The following BRINP3 variants were observed in gnomAD, a reference collection of about 807,000 sequenced individuals.
The protein encoded by BRINP3 is BMP/retinoic acid-inducible neural-specific protein 3.
A neutral mutation model predicts 71.0 loss-of-function variants in BRINP3; 19 were observed. The ratio of observed to expected loss-of-function variants is 0.27; its 90% confidence interval spans 0.19 to 0.39. The LOEUF is 0.39. Ranked by LOEUF, BRINP3 falls within the 10% of genes least tolerant of loss-of-function variation. The pLI is 1.00. For synonymous variants in BRINP3, 380 were observed against 337.7 expected, an observed-to-expected ratio of 1.13 and a Z score of -1.37; for missense variants, 959 against 940.8, an observed-to-expected ratio of 1.02 and a Z score of -0.25.
chr1:190,177,723 C>G (rs1226988566), intron 6 of BRINP3, among the ~76,000 whole-genome samples: 1 of 152,046 alleles, frequency 6.6e-6, no homozygotes, highest in African/African-American at 2.4e-5. Context: ...CTAATTTTAC[C>G]TAAGTTCTCT....
chr1:190,463,396 T>C (rs1054362051), intron 1 of BRINP3, among the ~76,000 whole-genome samples: 1 of 151,622 alleles, frequency 6.6e-6, no homozygotes, highest in Non-Finnish European at 1.5e-5. Context: ...ACAAGTATTA[T>C]TTTAAGTGAT....
chr1:190,214,268 T>A (rs1656221851), intron 6 of BRINP3, among the ~76,000 whole-genome samples: 1 of 152,070 alleles, frequency 6.6e-6, no homozygotes, highest in African/African-American at 2.4e-5. Flanking sequence ...GTATATAATA[T>A]GTCTGGGATA....
intron 5 of BRINP3, 114 bp downstream of exon 5, chr1:190,234,258 A>G (rs1377678608): frequency 1.9e-6 from 1 of 530,786 alleles, no homozygotes; most frequent in Non-Finnish European, 3.2e-6. Context: ...CTTTAATGAG[A>G]GTTTTTAATA....
intron 2 of BRINP3, among the ~76,000 whole-genome samples, chr1:190,449,712 G>A (rs1440893765): frequency 6.6e-6 from 1 of 152,144 alleles, no homozygotes; most frequent in East Asian, 1.9e-4. Context: ...GTTTGCAGGA[G>A]ACTGCACTGA....
At chr1:190,337,608 T>C (rs1428646829) in intron 2 of BRINP3, among the ~76,000 whole-genome samples, 1 of 152,046 alleles carries the variant, frequency 6.6e-6, no homozygotes, top group East Asian at 1.9e-4. Context: ...CTCTTAAACC[T>C]ACACCAGTCA....
chr1:190,472,127 A>G (rs1038756776), intron 1 of BRINP3, among the ~76,000 whole-genome samples: 2 of 151,612 alleles, frequency 1.3e-5, no homozygotes, highest in Non-Finnish European at 3.0e-5. Context: ...TTTTCATAAC[A>G]TATTTGTCCT....
At position 190,312,024 on chromosome 1, in the gene BRINP3, T is replaced by C. The variant is rs143160673; in HGVS notation, c.237-30274A>G. Among the ~76,000 whole-genome samples, 925 of 118,170 alleles carry C rather than the reference T, an allele frequency of 7.8e-3. 7 individuals carry two copies. Among genetic ancestry groups the C allele is most frequent in the African/African-American group, 0.025 (826 of 33,218 alleles). The allele number at this position is 118,170 out of a possible 152,430, so 77.5% of individuals were successfully genotyped here. A position where few individuals can be genotyped will look rare whatever the true frequency, so the allele number is the denominator to read the frequency against. On this transcript the variant is annotated intron_variant, in intron 2 of 7. Transcript: ENST00000367462. ...TAGAAAATATAAAAAATACATGATA[T>C]TTGAAAAGTCAAATATATATATATA...
At chr1:190,449,849 C>T (rs1229019938) in intron 2 of BRINP3, among the ~76,000 whole-genome samples, 3 of 152,092 alleles carry the variant, frequency 2.0e-5, no homozygotes, top group African/African-American at 4.8e-5. Flanking sequence ...AAGTCTATTC[C>T]TCTCCCTGTT....
intron 2 of BRINP3, among the ~76,000 whole-genome samples, chr1:190,326,511 G>A (rs1362474917): frequency 6.6e-6 from 1 of 151,902 alleles, no homozygotes; most frequent in African/African-American, 2.4e-5. Flanking sequence ...GATTGTCCAA[G>A]GTCACCAATA....
intron 6 of BRINP3, among the ~76,000 whole-genome samples, chr1:190,200,362 G>T (rs1189720837): frequency 6.6e-6 from 1 of 152,076 alleles, no homozygotes; most frequent in African/African-American, 2.4e-5. Context: ...TTTAGAATTT[G>T]AATGGGAATA....
chr1:190,431,572 G>A (rs772394191), intron 2 of BRINP3, among the ~76,000 whole-genome samples: 2 of 152,056 alleles, frequency 1.3e-5, no homozygotes, highest in Non-Finnish European at 2.9e-5. Context: ...GGCCAGGCTG[G>A]TGTCAAACTC....
At chr1:190,203,249 G>A (rs1486564568) in intron 6 of BRINP3, among the ~76,000 whole-genome samples, 1 of 151,874 alleles carries the variant, frequency 6.6e-6, no homozygotes, top group East Asian at 1.9e-4. Context: ...GTACTTTAAA[G>A]GCTTTATAAT....
intron 6 of BRINP3, among the ~76,000 whole-genome samples, chr1:190,211,354 T>C (rs755783108): frequency 6.6e-6 from 1 of 152,104 alleles, no homozygotes; most frequent in East Asian, 1.9e-4. Flanking sequence ...CCCTGGATAA[T>C]ACAGGTAGTA....
chr1:190,421,678 G>C (rs1673396981), intron 2 of BRINP3, among the ~76,000 whole-genome samples: 1 of 151,670 alleles, frequency 6.6e-6, no homozygotes, highest in Non-Finnish European at 1.5e-5. Context: ...GTGATAGATA[G>C]ATTTGAATCC....
chr1:190,282,913 C>T (rs1253035522), intron 2 of BRINP3, among the ~76,000 whole-genome samples: 1 of 151,678 alleles, frequency 6.6e-6, no homozygotes, highest in Non-Finnish European at 1.5e-5. Flanking sequence ...GTAACTCTGC[C>T]GAGACAACAA....
intron 6 of BRINP3, among the ~76,000 whole-genome samples, chr1:190,220,851 TA>T (rs1320400572): frequency 3.3e-5 from 5 of 152,310 alleles, no homozygotes; most frequent in Admixed American, 6.5e-5. Context: ...ATCCCACTGG[TA>T]AAATTAAGTA....
chr1:190,385,155 A>G (rs950964428), intron 2 of BRINP3, among the ~76,000 whole-genome samples: 3 of 152,172 alleles, frequency 2.0e-5, no homozygotes, highest in African/African-American at 7.2e-5. Flanking sequence ...ATTACCATTC[A>G]GAACATAGGC....
intron 6 of BRINP3, among the ~76,000 whole-genome samples, chr1:190,209,328 T>C (rs557978841): frequency 2.1e-3 from 318 of 152,162 alleles, no homozygotes; most frequent in Non-Finnish European, 2.3e-3. Context: ...TGCTTTCCTT[T>C]GTCCTATCTC....
chr1:190,220,720 T>C (rs1656808968), intron 6 of BRINP3, among the ~76,000 whole-genome samples: 1 of 151,954 alleles, frequency 6.6e-6, no homozygotes, highest in Admixed American at 6.6e-5. Context: ...ATTTCCCAAA[T>C]AAACAAAAAT....
Sources: allele counts gnomAD v4.1 joint callset (sites outside exome capture counted in the v4.1 genomes callset), GRCh38; gene constraint gnomAD v4.1.1; transcripts MANE v1.5; gene names NCBI Gene and HGNC (gene_info 2026-07-23, HGNC 2026-07-21).